The following PPP4R3A variants were observed in gnomAD, a reference collection of about 807,000 sequenced individuals.
PPP4R3A encodes the protein serine/threonine-protein phosphatase 4 regulatory subunit 3A.
PPP4R3A carries 15 observed loss-of-function variants against 91.7 expected under a neutral mutation model. That is an observed-to-expected ratio of 0.16 (90% confidence interval 0.11 to 0.25). The LOEUF (loss-of-function observed/expected upper bound fraction) is 0.25, where lower values mean the gene tolerates loss of function less well. Ranked by LOEUF, PPP4R3A falls within the 10% of genes least tolerant of loss-of-function variation. The pLI, the probability that PPP4R3A is intolerant of heterozygous loss-of-function variation, is 1.00. For missense variants in PPP4R3A, 623 were observed against 998.4 expected, an observed-to-expected ratio of 0.62 and a Z score of 5.07; for synonymous variants, 377 against 348.7, an observed-to-expected ratio of 1.08 and a Z score of -0.91.
chr14:91,471,033 C>T, intron 9 of PPP4R3A, 38 bp from the exon 10 acceptor site: 1 of 1,536,226 alleles, frequency 6.5e-7, no homozygotes, highest in South Asian at 1.3e-5. Context: ...TATTTAATGA[C>T]TAACATTTTT....
chr14:91,481,734 A>G lies in PPP4R3A; in HGVS notation c.757T>C (p.Ser253Pro). Reference sequence around the variant, plus strand: ...ATTTTTTGTTTCAGCTCAGGATCTGATATGGGAATCACTTCTTTAAACTTG... The same window carrying G: ...ATTTTTTGTTTCAGCTCAGGATCTGGTATGGGAATCACTTCTTTAAACTTG... ...TAKFKEVIPISDPELKQKIHQ... is the reference protein window; with the variant it reads ...TAKFKEVIPIPDPELKQKIHQ... The change falls in exon 4 of 15, where the codon TCA becomes CCA. Residue 253 changes from serine (S) to proline (P), a missense_variant. Ser to Pro is a moderately conservative substitution (Grantham distance 74). Around this residue, in one of 5 missense-constraint regions of PPP4R3A, gnomAD observed 264 missense variants for 377.3 expected, o/e 0.70. Coordinates refer to ENST00000554943, the MANE Select transcript of PPP4R3A (RefSeq NM_001366432.2). 1 of 1,614,112 alleles carries G rather than the reference A, an allele frequency of 6.2e-7. No individual in the cohort carries two copies. Among genetic ancestry groups the G allele is most frequent in the Non-Finnish European group, 8.5e-7 (1 of 1,180,002 alleles).
chr14:91,488,136 C>T (rs1252052350), intron 2 of PPP4R3A, among the ~76,000 whole-genome samples: 1 of 151,488 alleles, frequency 6.6e-6, no homozygotes, highest in African/African-American at 2.4e-5. Context: ...CTGCAGTGCA[C>T]TATGATCACA....
At chr14:91,506,511 C>T (rs2140172461) in intron 1 of PPP4R3A, among the ~76,000 whole-genome samples, 1 of 152,254 alleles carries the variant, frequency 6.6e-6, no homozygotes, top group South Asian at 2.1e-4. Flanking sequence ...AGATTACTGA[C>T]AGTATTTCAC....
chr14:91,508,614 A>G (rs1891558440), intron 1 of PPP4R3A, among the ~76,000 whole-genome samples: 1 of 152,192 alleles, frequency 6.6e-6, no homozygotes, highest in Non-Finnish European at 1.5e-5. Context: ...GGCAATCCCT[A>G]CAGAGAATAA....
chr14:91,486,243 T>A (rs540811765), intron 2 of PPP4R3A, among the ~76,000 whole-genome samples: 70 of 96,582 alleles, frequency 7.2e-4, no homozygotes, highest in African/African-American at 2.7e-3. Context: ...TATACATAGG[T>A]TTTTTTGTTT....
Position 91,465,425 on chromosome 14 carries a change from A to G in PPP4R3A, c.1661-6T>C. ...TCTTTTAAAACGAAGGGCACCTGAA[A>G]CACAGAGGCATGGTTGTTTAAATCA... On this transcript the variant is annotated splice_region_variant and splice_polypyrimidine_tract_variant and intron_variant, in intron 10 of 14. Coordinates refer to ENST00000554943, the MANE Select transcript of PPP4R3A (RefSeq NM_001366432.2). 1.3e-6 allele frequency: 2 copies of G among 1,579,906 alleles called. No homozygotes were observed. The highest frequency in any genetic ancestry group is 1.7e-6 in the Non-Finnish European group (2 of 1,167,202).
chr14:91,479,601 T>C (rs1595065332), intron 4 of PPP4R3A, among the ~76,000 whole-genome samples: 1 of 152,096 alleles, frequency 6.6e-6, no homozygotes, highest in East Asian at 1.9e-4. Context: ...TAGAGTGCAA[T>C]GGTGTGATCT....
In PPP4R3A at chr14:91,510,108, C is replaced by A. The variant is rs766943687; in HGVS notation, c.-461G>T. The A allele has an allele frequency of 1.8e-4, 37 of 201,420 alleles. No individual in the cohort carries two copies. Among genetic ancestry groups the A allele is most frequent in the Non-Finnish European group, 2.4e-4 (27 of 112,168 alleles). The allele number at this position is 201,420 out of a possible 1,614,324, so 12.5% of individuals were successfully genotyped here. On this transcript the variant is annotated 5_prime_UTR_variant, in exon 1 of 15. Coordinates refer to ENST00000554943, the MANE Select transcript of PPP4R3A (RefSeq NM_001366432.2). The stretch of plus-strand genomic sequence containing the variant: ...GCCACCGCGGCCAGTGGCTCCCTTC[C>A]GCTCCCCCTGTTTTAAACGTCAGAA...
Position 91,458,366 on chromosome 14 carries a change from G to A in PPP4R3A, c.*393C>T, listed in dbSNP as rs1016299060. 1 of 254,938 alleles carries A rather than the reference G, an allele frequency of 3.9e-6. No individual in the cohort carries two copies. The highest frequency in any genetic ancestry group is 4.8e-5 in the South Asian group (1 of 21,028). 15.8% of individuals were successfully genotyped at this position (254,938 alleles called of 1,614,324 possible). On this transcript the variant is annotated 3_prime_UTR_variant, in exon 15 of 15. Coordinates refer to ENST00000554943, the MANE Select transcript of PPP4R3A (RefSeq NM_001366432.2). ...AAGAAACTGCTGGCATTCTTGACTA[G>A]TGAAGAATTATGGCAGAAAGGCCCA...
At chr14:91,502,334 G>A (rs1486689690) in intron 1 of PPP4R3A, among the ~76,000 whole-genome samples, 1 of 152,118 alleles carries the variant, frequency 6.6e-6, no homozygotes, top group African/African-American at 2.4e-5. Flanking sequence ...GCTAAGGTAG[G>A]AGGATTACTT....
At chr14:91,506,419 G>A (rs149480035) in intron 1 of PPP4R3A, among the ~76,000 whole-genome samples, 5 of 152,178 alleles carry the variant, frequency 3.3e-5, no homozygotes, top group Non-Finnish European at 4.4e-5. Flanking sequence ...TGCTAAAAGA[G>A]TTTGGCACAT....
At chr14:91,495,253 T>C (rs1890467132) in intron 1 of PPP4R3A, among the ~76,000 whole-genome samples, 1 of 150,046 alleles carries the variant, frequency 6.7e-6, no homozygotes, top group Non-Finnish European at 1.5e-5. Context: ...CTTGAAAACA[T>C]ATGAAATTAA....
chr14:91,466,035 T>TTTTTAATTTTTTTCTAG, intron 10 of PPP4R3A, among the ~76,000 whole-genome samples: 1 of 152,328 alleles, frequency 6.6e-6, no homozygotes, highest in East Asian at 1.9e-4. Context: ...GCGAGTATGC[T>TTTTTAATTTTTTTCTAG]TTTTAATTTT....
Position 91,479,537 on chromosome 14 carries a change from TA to T in PPP4R3A, c.915+2038del, listed in dbSNP as rs750797153. On this transcript the variant is annotated intron_variant, in intron 4 of 14. Transcript: ENST00000554943. ...CATGCATCACCATACCTGGCTAATT[TA>T]AAAAAAAAAAAAAATCTTTTTTGAG... 9.0e-3 allele frequency among the ~76,000 whole-genome samples: 1,279 copies of T among 141,484 alleles called. 4 individuals are homozygous for T. Among genetic ancestry groups the T allele is most frequent in the South Asian group, 0.02 (91 of 4,466 alleles). The allele number at this position is 141,484 out of a possible 152,430, so 92.8% of individuals were successfully genotyped here.
chr14:91,462,898 GA>G (rs770699159), intron 11 of PPP4R3A, 21 bp from the exon 12 acceptor site: 1 of 1,555,566 alleles, frequency 6.4e-7, no homozygotes, highest in South Asian at 1.2e-5. Context: ...GAATAGTAAT[GA>G]AAAAATGATA....
intron 11 of PPP4R3A, 49 bp downstream of exon 11, chr14:91,465,201 T>G (rs775279819): frequency 1.4e-6 from 2 of 1,402,778 alleles, no homozygotes; most frequent in Non-Finnish European, 1.9e-6. Context: ...CATATTCAAT[T>G]TTCTCAAACA....
At chr14:91,474,203 T>C (rs769492433) in intron 7 of PPP4R3A, among the ~76,000 whole-genome samples, 1 of 152,170 alleles carries the variant, frequency 6.6e-6, no homozygotes, top group Non-Finnish European at 1.5e-5. Flanking sequence ...TTGGAGAAAA[T>C]GAGACTATGG....
chr14:91,461,525 G>C lies in PPP4R3A; in HGVS notation c.2247C>G (p.Ser749=). 6.2e-7 allele frequency: 1 copy of C among 1,614,040 alleles called. No homozygotes were observed. The highest frequency in any genetic ancestry group is 8.5e-7 in the Non-Finnish European group (1 of 1,179,980). Residue 749 remains serine (S), a synonymous_variant, in exon 14 of 15, where the codon TCC becomes TCG. Coordinates refer to ENST00000554943, the MANE Select transcript of PPP4R3A (RefSeq NM_001366432.2). ...TGGTGAGGTTAGTCTTCGTTCCACT[G>C]GACAGGGAAAGCTTGAAACTTGGGC... ...RQSPSFKLSL[S]SGTKTNLTSQ...
intron 1 of PPP4R3A, among the ~76,000 whole-genome samples, chr14:91,503,435 A>C (rs143954477): frequency 2.4e-3 from 360 of 152,286 alleles, no homozygotes; most frequent in Non-Finnish European, 4.1e-3. Flanking sequence ...CAGGTGTTTA[A>C]CACCACACAT....
Sources: allele counts gnomAD v4.1 joint callset (sites outside exome capture counted in the v4.1 genomes callset), GRCh38; gene constraint gnomAD v4.1.1; regional missense constraint gnomAD v4.1.1; transcripts MANE v1.5; gene names NCBI Gene and HGNC (gene_info 2026-07-23, HGNC 2026-07-21).